Variants in COL1A2 observed in about 807,000 individuals in gnomAD.
The protein encoded by COL1A2 is collagen alpha-2(I) chain.
In COL1A2, 49 loss-of-function variants were observed where a neutral mutation model predicts 174.3. That is an observed-to-expected ratio of 0.28 (90% CI 0.22 to 0.36). The LOEUF (loss-of-function observed/expected upper bound fraction) is 0.36, where lower values mean the gene tolerates loss of function less well. Ranked by LOEUF, COL1A2 falls within the 10% of genes least tolerant of loss-of-function variation. The pLI, the probability that COL1A2 is intolerant of heterozygous loss-of-function variation, is 1.00. For missense variants in COL1A2, 1,438 were observed against 1,822.7 expected, an observed-to-expected ratio of 0.79 and a Z score of 3.84; for synonymous variants, 655 against 606.6, an observed-to-expected ratio of 1.08 and a Z score of -1.17.
At chr7:94,406,751 C>CA in intron 12 of COL1A2, among the ~76,000 whole-genome samples, 1 of 152,068 alleles carries the variant, frequency 6.6e-6, no homozygotes, top group East Asian at 1.9e-4. Flanking sequence ...TGTGCACACT[C>CA]AAAAAAATTT....
Position 94,410,237 on chromosome 7 carries a change from C to G in COL1A2, c.1036-5C>G. The G allele has an allele frequency of 6.2e-7, 1 of 1,613,554 alleles. No homozygotes were observed. Among genetic ancestry groups the G allele is most frequent in the Non-Finnish European group, 8.5e-7 (1 of 1,179,982 alleles). On this transcript the variant is annotated splice_polypyrimidine_tract_variant and splice_region_variant and intron_variant, in intron 19 of 51. Transcript: ENST00000297268. ...CTTTGACCACTGTTCTGTATTGAAC[C>G]CTAGGGTGAGCCTGGTCCAGCTGGC...
Position 94,408,619 on chromosome 7 carries a change from A to C in COL1A2, c.739-151A>C, listed in dbSNP as rs1338137272. 5.1e-6 allele frequency: 5 copies of C among 982,070 alleles called. No individual in the cohort carries two copies. In the East Asian group the frequency reaches 1.3e-4, roughly 25 times the overall value. The allele number at this position is 982,070 out of a possible 1,614,324, so 60.8% of individuals were successfully genotyped here. A position where few individuals can be genotyped will look rare whatever the true frequency, so the allele number is the denominator to read the frequency against. The stretch of plus-strand genomic sequence containing the variant: ...CCATGAATGTCTTGCCTTTGATGAG[A>C]TCCTAACGACAACAGACTGGTTGTC... On this transcript the variant is annotated intron_variant, in intron 15 of 51. Coordinates refer to ENST00000297268, the MANE Select transcript of COL1A2 (RefSeq NM_000089.4).
chr7:94,413,252 G>A, intron 26 of COL1A2, 116 bp downstream of exon 26: 1 of 1,082,740 alleles, frequency 9.2e-7, no homozygotes, highest in Non-Finnish European at 1.4e-6. Flanking sequence ...GGCATCCCCA[G>A]GGGTCCTTTT....
intron 34 of COL1A2, 35 bp from the exon 35 acceptor site, chr7:94,420,198 G>A (rs1792127804): frequency 6.2e-7 from 1 of 1,612,228 alleles, no homozygotes; most frequent in South Asian, 1.1e-5. Context: ...TCTATGTCAG[G>A]CACATTAACA....
intron 12 of COL1A2, 95 bp from the exon 13 acceptor site, chr7:94,407,752 A>T: frequency 9.4e-7 from 1 of 1,060,194 alleles, no homozygotes; most frequent in Non-Finnish European, 1.4e-6. Flanking sequence ...GAAGTATATG[A>T]ATGGTTCAAA....
chr7:94,409,215 C>T, intron 16 of COL1A2, 107 bp from the exon 17 acceptor site: 3 of 1,037,620 alleles, frequency 2.9e-6, no homozygotes, highest in South Asian at 2.5e-5. Flanking sequence ...AAAATAATTG[C>T]AATTTTGAAG....
chr7:94,397,847 T>A, intron 2 of COL1A2, 89 bp downstream of exon 2: 1 of 759,928 alleles, frequency 1.3e-6, no homozygotes, highest in Non-Finnish European at 2.2e-6. Context: ...GAAGTTACAT[T>A]AATATTGACC....
chr7:94,421,923 G>A lies in COL1A2; in HGVS notation c.2374G>A (p.Ala792Thr), dbSNP rs185999584. Reference sequence around the variant, plus strand: ...GGGTATGACTGGTTTCCCTGGTGCTGCTGGACGGACTGGTCCCCCAGGACC... The same window carrying A: ...GGGTATGACTGGTTTCCCTGGTGCTACTGGACGGACTGGTCCCCCAGGACC... ...PPGMTGFPGA[A>T]GRTGPPGPSG... is the part of the protein sequence containing the mutation. The change falls in exon 39 of 52, where the codon GCT becomes ACT. Residue 792 changes from alanine (A) to threonine (T), a missense_variant. Transcript: ENST00000297268. The A allele has an allele frequency of 6.2e-7, 1 of 1,614,032 alleles. No homozygotes were observed. The highest frequency in any genetic ancestry group is 8.5e-7 in the Non-Finnish European group (1 of 1,180,024).
At position 94,407,833 on chromosome 7, in the gene COL1A2, CCTT is replaced by C; in HGVS notation, c.595-11_595-9del. On this transcript the variant is annotated splice_polypyrimidine_tract_variant and intron_variant, in intron 12 of 51. Transcript: ENST00000297268. ...TATATTTAATGAACAAAAACTCAAT[CCTT>C]CTCCATGTAGGGTGAACCTGGTGCC... The C allele has an allele frequency of 6.2e-7, 1 of 1,613,218 alleles. No homozygotes were observed. The highest frequency in any genetic ancestry group is 1.3e-5 in the African/African-American group (1 of 75,032).
At chr7:94,429,830 A>G (rs150200706) in intron 51 of COL1A2, 197 of 254,236 alleles carry the variant, frequency 7.7e-4, no homozygotes, top group African/African-American at 4.3e-3. Flanking sequence ...AGTATGGCCT[A>G]CATTTAACTT....
At chr7:94,398,587 A>AAAGT (rs1791626796) in intron 3 of COL1A2, among the ~76,000 whole-genome samples, 191 bp downstream of exon 3, 1 of 152,040 alleles carries the variant, frequency 6.6e-6, no homozygotes, top group African/African-American at 2.4e-5. Flanking sequence ...TTCTGGAATC[A>AAAGT]TCTGTAATTA....
intron 50 of COL1A2, 78 bp from the exon 51 acceptor site, chr7:94,429,108 CTT>C (rs11380334): frequency 4.5e-3 from 3,656 of 804,366 alleles, no homozygotes; most frequent in South Asian, 7.0e-3. Flanking sequence ...CTTTTTTTTT[CTT>C]TTTTTTTTTT....
intron 16 of COL1A2, 32 bp from the exon 17 acceptor site, chr7:94,409,290 G>A (rs780060745): frequency 1.3e-6 from 2 of 1,578,818 alleles, no homozygotes; most frequent in Non-Finnish European, 1.7e-6. Flanking sequence ...ATTATTTGCT[G>A]GTTAATTCCT....
At chr7:94,409,669 T>C in intron 18 of COL1A2, 54 bp from the exon 19 acceptor site, 1 of 1,613,636 alleles carries the variant, frequency 6.2e-7, no homozygotes. Context: ...TAATGTGTGC[T>C]GCCTCTACAG....
chr7:94,427,068 G>A lies in COL1A2; in HGVS notation c.3159+7G>A, dbSNP rs372976154. 18 of 1,613,890 alleles carry A rather than the reference G, an allele frequency of 1.1e-5. No individual in the cohort carries two copies. Among genetic ancestry groups the A allele is most frequent in the Non-Finnish European group, 1.4e-5 (17 of 1,179,820 alleles). On this transcript the variant is annotated splice_region_variant and intron_variant, in intron 47 of 51. Transcript: ENST00000297268. ...GGGTCCTGCTGGTCCTAGGGTAGGT[G>A]GACTCAAGAGAAGACAGTTCATCTC...
intron 28 of COL1A2, 115 bp from the exon 29 acceptor site, chr7:94,414,107 A>T: frequency 1.5e-6 from 2 of 1,314,152 alleles, no homozygotes; most frequent in Non-Finnish European, 2.2e-6. Flanking sequence ...AATGCTTAAT[A>T]ACATACAATC....
intron 25 of COL1A2, 59 bp downstream of exon 25, chr7:94,412,741 C>A: frequency 1.4e-6 from 2 of 1,444,474 alleles, no homozygotes; most frequent in Non-Finnish European, 1.9e-6. Flanking sequence ...TTTTACCAAA[C>A]TCTAGTATTT....
rs758355086 is a variant in COL1A2 at position 94,420,625 on chromosome 7, C to G, written c.2272C>G (p.Pro758Ala). 1.2e-6 allele frequency: 2 copies of G among 1,605,184 alleles called. No individual in the cohort carries two copies. The highest frequency in any genetic ancestry group is 1.1e-5 in the South Asian group (1 of 89,634). Residue 758 changes from proline to alanine, a missense_variant, in exon 37 of 52, where the codon CCC becomes GCC. Pro to Ala is a conservative substitution (Grantham distance 27). Transcript: ENST00000297268. Reference protein sequence around the residue: ...GENGVVGPTGPVGAAGPAGPN... With the variant: ...GENGVVGPTGAVGAAGPAGPN... ...AAACGGTGTTGTTGGTCCCACAGGC[C>G]CCGTTGGAGCTGCTGGCCCAGCTGT...
chr7:94,411,201 C>T lies in COL1A2; in HGVS notation c.1350+47C>T. The T allele has an allele frequency of 2.9e-6, 4 of 1,385,962 alleles. No homozygotes were observed. In the South Asian group the frequency reaches 5.0e-5, roughly 17 times the overall value. The allele number at this position is 1,385,962 out of a possible 1,614,324, so 85.9% of individuals were successfully genotyped here. On this transcript the variant is annotated intron_variant, in intron 23 of 51. Coordinates refer to ENST00000297268, the MANE Select transcript of COL1A2 (RefSeq NM_000089.4). ...AGCAAATCACACCTGGCATTACTTCCTTCTTTAAAGGGTTGGTTAATATTG... is the reference window on the plus strand; with the variant it reads ...AGCAAATCACACCTGGCATTACTTCTTTCTTTAAAGGGTTGGTTAATATTG...
Sources: gnomAD v4.1 joint callset for allele counts (sites outside exome capture counted in the v4.1 genomes callset) on GRCh38, gnomAD v4.1.1 for gene constraint, MANE v1.5 for transcripts, NCBI Gene and HGNC (gene_info 2026-07-23, HGNC 2026-07-21) for gene names.